PPHLN1: variants seen among roughly 807,000 people sequenced by gnomAD.
PPHLN1 encodes the protein periphilin-1.
PPHLN1 carries 29 observed loss-of-function variants against 51.3 expected under a neutral mutation model. The ratio of observed to expected loss-of-function variants is 0.57; its 90% CI spans 0.42 to 0.77. PPHLN1 has a LOEUF of 0.77. Among genes scored for constraint, PPHLN1 ranks in the 30% least tolerant of loss-of-function variants. The pLI is 0.00. For synonymous variants in PPHLN1, 147 were observed against 147.8 expected (o/e 0.99, Z 0.04); for missense variants, 436 against 438.4 (o/e 0.99, Z 0.05).
At chr12:42,420,248 A>G (rs2080864035) in intron 9 of PPHLN1, among the ~76,000 whole-genome samples, 1 of 152,112 alleles carries the variant, frequency 6.6e-6, no homozygotes, top group African/African-American at 2.4e-5. Context: ...CTTCATCTTA[A>G]TAATATACTT....
chr12:42,342,535 G>A (rs1164355071), intron 2 of PPHLN1, among the ~76,000 whole-genome samples: 1 of 152,146 alleles, frequency 6.6e-6, no homozygotes, highest in Admixed American at 6.5e-5. Context: ...ATAAAATGTC[G>A]ATTTTTTCAT....
intron 2 of PPHLN1, among the ~76,000 whole-genome samples, chr12:42,346,665 C>G (rs1358837101): frequency 6.6e-6 from 1 of 152,228 alleles, no homozygotes; most frequent in Non-Finnish European, 1.5e-5. Context: ...CTAGGAATTT[C>G]CATACTGTTT....
At chr12:42,441,136 A>G (rs187645583) in intron 9 of PPHLN1, among the ~76,000 whole-genome samples, 179 bp from the exon 10 acceptor site, 2 of 152,316 alleles carry the variant, frequency 1.3e-5, no homozygotes, top group Admixed American at 1.3e-4. Context: ...AGCAGATCTC[A>G]TGGATAGAGG....
chr12:42,366,836 A>G (rs997750681), intron 4 of PPHLN1, among the ~76,000 whole-genome samples: 2 of 152,188 alleles, frequency 1.3e-5, no homozygotes, highest in African/African-American at 4.8e-5. Context: ...TGGTCCTAAA[A>G]AGGGAAATAC....
At chr12:42,386,033 A>T (rs1159871249) in intron 6 of PPHLN1, among the ~76,000 whole-genome samples, 2 of 152,238 alleles carry the variant, frequency 1.3e-5, no homozygotes, top group Non-Finnish European at 2.9e-5. Context: ...GCTTAGGGTG[A>T]AAGCCTCTTG....
chr12:42,349,614 C>T (rs1050159081), intron 2 of PPHLN1, among the ~76,000 whole-genome samples: 10 of 152,040 alleles, frequency 6.6e-5, no homozygotes, highest in Non-Finnish European at 1.5e-4. Flanking sequence ...TGACTCTTAA[C>T]GAGCATGCTG....
intron 4 of PPHLN1, among the ~76,000 whole-genome samples, chr12:42,363,659 C>T (rs1182530051): frequency 3.9e-5 from 6 of 151,932 alleles, no homozygotes; most frequent in South Asian, 4.2e-4. Context: ...TGCCCTGCCC[C>T]GCTCTGAAAG....
At chr12:42,445,994 G>T (rs1009133286), downstream of PPHLN1, 6 of 1,519,466 alleles carry the variant, frequency 3.9e-6, no homozygotes, top group African/African-American at 5.6e-5. Flanking sequence ...ATTCCAGCAC[G>T]ACGCATCAAA....
chr12:42,428,695 A>G (rs2081736598), intron 9 of PPHLN1, among the ~76,000 whole-genome samples: 1 of 152,150 alleles, frequency 6.6e-6, no homozygotes, highest in South Asian at 2.1e-4. Context: ...GGTGATGAGT[A>G]CACCAAAATC....
rs576858502 is a variant in PPHLN1, at chr12:42,386,325, A to T, written c.569-1131A>T. On this transcript the variant is annotated intron_variant, in intron 6 of 9. Coordinates refer to ENST00000358314, the MANE Select transcript of PPHLN1 (RefSeq NM_201439.2). ...GGAGGGGAGGTGCAAAATTGTCCTC[A>T]GTTAAGAACCACTGGGCTAGAGAAA... Among the ~76,000 whole-genome samples the T allele has an allele frequency of 3.9e-5, 6 of 152,332 alleles. 1 individual carries two copies. In the South Asian group the frequency reaches 1.2e-3, roughly 32 times the overall value.
At chr12:42,390,064 C>T (rs145234477) in intron 7 of PPHLN1, among the ~76,000 whole-genome samples, 159 of 152,276 alleles carry the variant, frequency 1.0e-3, no homozygotes, top group African/African-American at 3.6e-3. Flanking sequence ...TTAGCCATAA[C>T]GGTTGTTACA....
intron 9 of PPHLN1, among the ~76,000 whole-genome samples, chr12:42,407,131 C>T (rs972396106): frequency 1.3e-5 from 2 of 152,102 alleles, no homozygotes; most frequent in Non-Finnish European, 2.9e-5. Context: ...GGTAGTCTTC[C>T]TACCTTGTTT....
intron 7 of PPHLN1, among the ~76,000 whole-genome samples, chr12:42,389,462 A>C (rs2077495201): frequency 6.6e-6 from 1 of 152,126 alleles, no homozygotes; most frequent in Non-Finnish European, 1.5e-5. Context: ...TGGGAGGCCA[A>C]GGCAGGAGAA....
intron 6 of PPHLN1, among the ~76,000 whole-genome samples, chr12:42,386,345 G>A (rs2077192221): frequency 6.6e-6 from 1 of 152,248 alleles, no homozygotes; most frequent in African/African-American, 2.4e-5. Context: ...CACTGGGCTA[G>A]AGAAAGTGTT....
At chr12:42,361,447 A>G (rs1373080017) in intron 4 of PPHLN1, 1 of 152,216 alleles carries the variant, frequency 6.6e-6, no homozygotes, top group Non-Finnish European at 1.5e-5. Context: ...CTGGCATTCT[A>G]TTGTAAGGAA....
At chr12:42,396,929 G>C (rs1176062577) in intron 8 of PPHLN1, among the ~76,000 whole-genome samples, 1 of 150,930 alleles carries the variant, frequency 6.6e-6, no homozygotes, top group Non-Finnish European at 1.5e-5. Context: ...AGTTCTAGCT[G>C]TTCAGGAGGC....
At chr12:42,368,190 C>T (rs2075452561) in intron 4 of PPHLN1, among the ~76,000 whole-genome samples, 1 of 152,106 alleles carries the variant, frequency 6.6e-6, no homozygotes, top group African/African-American at 2.4e-5. Flanking sequence ...CAAAATGGCT[C>T]TTCCTGCATA....
At chr12:42,437,409 TATTTA>T (rs1203491572) in intron 9 of PPHLN1, among the ~76,000 whole-genome samples, 2 of 152,234 alleles carry the variant, frequency 1.3e-5, no homozygotes, top group African/African-American at 2.4e-5. Flanking sequence ...TGTATTATCT[TATTTA>T]ATTCTTAAAC....
Position 42,352,532 on chromosome 12 carries a change from C to T in PPHLN1, c.237+483C>T, listed in dbSNP as rs538966283. On this transcript the variant is annotated intron_variant, in intron 3 of 9. Transcript: ENST00000358314. ...TCAAGTGATTCTCCTGCCTCACCCTCCCAAGTAGCTGGGATTACAGGCACG... is the reference window on the plus strand; with the variant it reads ...TCAAGTGATTCTCCTGCCTCACCCTTCCAAGTAGCTGGGATTACAGGCACG... Among the ~76,000 whole-genome samples the T allele has an allele frequency of 2.4e-3, 361 of 151,786 alleles. 2 individuals are homozygous for T. Among genetic ancestry groups the T allele is most frequent in the Non-Finnish European group, 3.8e-3 (259 of 67,902 alleles).
Sources: gnomAD v4.1 joint callset for allele counts (sites outside exome capture counted in the v4.1 genomes callset) on GRCh38, gnomAD v4.1.1 for gene constraint, MANE v1.5 for transcripts, NCBI Gene and HGNC (gene_info 2026-07-23, HGNC 2026-07-21) for gene names.